CES3: variants seen among roughly 807,000 people sequenced by gnomAD.
CES3 encodes carboxylesterase 3 (brain).
In CES3, 49 loss-of-function variants were observed where a neutral mutation model predicts 57.6. The ratio of observed to expected loss-of-function variants is 0.85; its 90% CI spans 0.68 to 1.08. The LOEUF (loss-of-function observed/expected upper bound fraction) is 1.08. Among genes scored for constraint, CES3 ranks in the 50% least tolerant of loss-of-function variants. The pLI, the probability that CES3 is intolerant of heterozygous loss-of-function variation, is 0.00. For missense variants in CES3, 645 were observed against 742.0 expected (o/e 0.87, Z 1.52); for synonymous variants, 266 against 281.6 (o/e 0.94, Z 0.55).
At chr16:66,964,311 G>A (rs750780695) in intron 4 of CES3, 46 bp from the exon 5 acceptor site, 6 of 1,599,134 alleles carry the variant, frequency 3.8e-6, no homozygotes, top group Non-Finnish European at 5.1e-6. Flanking sequence ...GCAGAGGCTG[G>A]CGAGGAGCCA....
At position 66,966,314 on chromosome 16, in the gene CES3, AAGG is replaced by A. The variant is rs1567556435; in HGVS notation, c.893_895del (p.Gly298del). The A allele has an allele frequency of 9.9e-6, 16 of 1,613,642 alleles. No individual in the cohort carries two copies. The highest frequency in any genetic ancestry group is 1.3e-5 in the Non-Finnish European group (15 of 1,179,936). On this transcript the variant is annotated inframe_deletion, in exon 7 of 13. Transcript: ENST00000303334. ...ATGGTGCAGTGCCTTCAGCAGAAAG[AAGG>A]AGAAGAGCTGGTCCTTAGCAAGAAG... is the stretch of plus-strand genomic sequence containing the variant.
At chr16:66,967,654 C>T in intron 8 of CES3, 1 of 985,170 alleles carries the variant, frequency 1.0e-6, no homozygotes, top group Non-Finnish European at 1.2e-6. Flanking sequence ...TTCTTCTACC[C>T]ATCTTCACAG....
Position 66,966,364 on chromosome 16 carries a change from G to T in CES3, c.921+19G>T, listed in dbSNP as rs67674179. The T allele has an allele frequency of 6.2e-6, 10 of 1,609,860 alleles. No individual in the cohort carries two copies. Among genetic ancestry groups the T allele is most frequent in the Admixed American group, 1.7e-5 (1 of 59,910 alleles). On this transcript the variant is annotated intron_variant, in intron 7 of 12. Coordinates refer to ENST00000303334, the MANE Select transcript of CES3 (RefSeq NM_024922.6). The stretch of plus-strand genomic sequence containing the variant: ...GAAGCTGGTATGGCCACCCTTTTGG[G>T]GATGGTGCCGGGCAATGGCACAGAG...
rs1054217115 is a variant in CES3 at position 66,973,132 on chromosome 16, C to T, written c.*83C>T. 48 of 1,232,604 alleles carry T rather than the reference C, an allele frequency of 3.9e-5. No homozygotes were observed. Among genetic ancestry groups the T allele is most frequent in the Middle Eastern group, 2.5e-4 (1 of 4,048 alleles). The allele number at this position is 1,232,604 out of a possible 1,614,324, so 76.4% of individuals were successfully genotyped here. ...CCAGCACGGCAGCCCGCCTCTCCCCCTGCTGAGACTTTAATCTCCACCAGC... is the reference window on the plus strand; with the variant it reads ...CCAGCACGGCAGCCCGCCTCTCCCCTTGCTGAGACTTTAATCTCCACCAGC... On this transcript the variant is annotated 3_prime_UTR_variant, in exon 13 of 13. Transcript: ENST00000303334.
intron 10 of CES3, 71 bp downstream of exon 10, chr16:66,971,390 A>G (rs1963831399): frequency 1.3e-6 from 2 of 1,522,518 alleles, no homozygotes; most frequent in East Asian, 2.3e-5. Context: ...CACAGGTGAC[A>G]TGGCATGATA....
At chr16:66,968,642 G>C (rs750129019) in intron 8 of CES3, among the ~76,000 whole-genome samples, 4 of 152,118 alleles carry the variant, frequency 2.6e-5, no homozygotes, top group African/African-American at 2.4e-5. Flanking sequence ...AGCCGGGTGC[G>C]GTGGCTCATG....
rs1963699047 is a variant in CES3 at position 66,964,355 on chromosome 16, A to G, written c.561-2A>G. On this transcript the variant is annotated splice_acceptor_variant, in intron 4 of 12. Transcript: ENST00000303334. LOFTEE classifies it high-confidence loss of function. ...TAACCGTTGCCCCAACACTGCCCCCAGCACTGGAGATGAGCATGCACCTGG... is the reference window on the plus strand; with the variant it reads ...TAACCGTTGCCCCAACACTGCCCCCGGCACTGGAGATGAGCATGCACCTGG... 1.2e-6 allele frequency: 2 copies of G among 1,613,422 alleles called. No individual in the cohort carries two copies. The highest frequency in any genetic ancestry group is 1.7e-6 in the Non-Finnish European group (2 of 1,179,894).
At chr16:66,966,913 T>C (rs1963741283) in intron 8 of CES3, 48 bp downstream of exon 8, 1 of 1,604,874 alleles carries the variant, frequency 6.2e-7, no homozygotes, top group Admixed American at 1.7e-5. Flanking sequence ...CCCCAGCCAG[T>C]ACCTGCCACC....
In CES3 at chr16:66,963,541, GA is replaced by G. The variant is rs1364288394; in HGVS notation, c.342del (p.Lys114AsnfsTer39). The part of the protein sequence containing the change: ...SMNSSRFVLN[G>X]KQQIFSVSED... ...AACAGCAGCAGATTTGTCCTCAACG[GA>G]AAACAGCAGATCTTCTCCGTTTCAG... On this transcript the variant is annotated frameshift_variant, in exon 3 of 13. Coordinates refer to ENST00000303334, the MANE Select transcript of CES3 (RefSeq NM_024922.6). LOFTEE classifies it high-confidence loss of function. The surrounding 1 kb of genome is among the most constrained non-coding windows in gnomAD (Gnocchi z 4.9). 5 of 1,614,206 alleles carry G rather than the reference GA, an allele frequency of 3.1e-6. No homozygotes were observed. The highest frequency in any genetic ancestry group is 1.1e-5 in the South Asian group (1 of 91,086).
Position 66,972,977 on chromosome 16 carries a change from A to T in CES3, c.1644A>T (p.Ser548=), listed in dbSNP as rs1012746160. The part of the protein sequence containing the change: ...KFREAWMQFW[S]ETLPSKIQQW... ...GGGAGGCCTGGATGCAGTTCTGGTC[A>T]GAGACGCTCCCCAGCAAGATACAAC... is the stretch of plus-strand genomic sequence containing the variant. The change falls in exon 13 of 13, where the codon TCA becomes TCT. Residue 548 remains serine, a synonymous_variant. Transcript: ENST00000303334. The T allele has an allele frequency of 1.1e-5, 17 of 1,614,016 alleles. No homozygotes were observed. Among genetic ancestry groups the T allele is most frequent in the Non-Finnish European group, 1.4e-5 (16 of 1,180,044 alleles).
At position 66,966,782 on chromosome 16, in the gene CES3, G is replaced by A. The variant is rs764509747; in HGVS notation, c.979G>A (p.Glu327Lys). ...DGTVFPKSPK[E>K]LLKEKPFHSV... is the part of the protein sequence containing the mutation. ...CACTGTCTTCCCCAAAAGCCCCAAGGAACTCCTGAAGGAGAAGCCCTTCCA... is the reference window on the plus strand; with the variant it reads ...CACTGTCTTCCCCAAAAGCCCCAAGAAACTCCTGAAGGAGAAGCCCTTCCA... The change falls in exon 8 of 13, where the codon GAA becomes AAA. Residue 327 changes from glutamate (E) to lysine (K), a missense_variant. Coordinates refer to ENST00000303334, the MANE Select transcript of CES3 (RefSeq NM_024922.6). The A allele has an allele frequency of 1.2e-6, 2 of 1,614,094 alleles. No homozygotes were observed. The highest frequency in any genetic ancestry group is 1.7e-5 in the Admixed American group (1 of 60,018).
chr16:66,973,615 C>T lies in CES3; in HGVS notation c.*566C>T, dbSNP rs1022806992. On this transcript the variant is annotated 3_prime_UTR_variant, in exon 13 of 13. Coordinates refer to ENST00000303334, the MANE Select transcript of CES3 (RefSeq NM_024922.6). The stretch of plus-strand genomic sequence containing the variant: ...CAGGTGCCAAAGCCATACTCAGGCC[C>T]CCACCGACATTGTCCACCCTGGCCA... The T allele has an allele frequency of 6.5e-6, 1 of 154,212 alleles. No individual in the cohort carries two copies. 9.6% of individuals were successfully genotyped at this position (154,212 alleles called of 1,614,324 possible).
chr16:66,961,725 G>A (rs137932139), intron 1 of CES3, among the ~76,000 whole-genome samples: 4 of 152,078 alleles, frequency 2.6e-5, no homozygotes, highest in South Asian at 2.1e-4. Flanking sequence ...CACCATGGCC[G>A]GCTAATTTTT....
chr16:66,964,832 T>C (rs1963708383), intron 6 of CES3, 105 bp downstream of exon 6: 3 of 824,192 alleles, frequency 3.6e-6, no homozygotes, highest in Non-Finnish European at 3.8e-6. Flanking sequence ...GGGAGCTCCC[T>C]GTTAGCAAAG....
chr16:66,971,151 G>A (rs760056870), intron 9 of CES3, 21 bp from the exon 10 acceptor site: 25 of 1,607,380 alleles, frequency 1.6e-5, no homozygotes, highest in South Asian at 4.5e-5. Context: ...GAGCAGGGCT[G>A]AGCCTGGCCT....
chr16:66,970,257 T>A (rs1963810335), intron 9 of CES3, among the ~76,000 whole-genome samples: 1 of 152,014 alleles, frequency 6.6e-6, no homozygotes, highest in South Asian at 2.1e-4. Context: ...TACAGGCCCC[T>A]GCCACCATGC....
intron 8 of CES3, chr16:66,967,841 T>C: frequency 1.2e-6 from 1 of 829,912 alleles, no homozygotes; most frequent in Non-Finnish European, 1.5e-6. Context: ...GACTCTCTAC[T>C]GCCTCAACCT....
At position 66,972,937 on chromosome 16, in the gene CES3, C is replaced by T. The variant is rs372285250; in HGVS notation, c.1604C>T (p.Ala535Val). 53 of 1,614,046 alleles carry T rather than the reference C, an allele frequency of 3.3e-5. No individual in the cohort carries two copies. In the African/African-American group the frequency reaches 6.4e-4, roughly 20 times the overall value. ...QYLEINPVPR[A>V]GQKFREAWMQ... Reference sequence around the variant, plus strand: ...CTGGAGATCAACCCAGTGCCACGGGCCGGACAGAAGTTCAGGGAGGCCTGG... The same window carrying T: ...CTGGAGATCAACCCAGTGCCACGGGTCGGACAGAAGTTCAGGGAGGCCTGG... The change falls in exon 13 of 13, where the codon GCC becomes GTC. Residue 535 changes from alanine to valine, a missense_variant. Ala to Val is a moderately conservative substitution (Grantham distance 64, BLOSUM62 0). Coordinates refer to ENST00000303334, the MANE Select transcript of CES3 (RefSeq NM_024922.6).
chr16:66,964,744 C>A lies in CES3; in HGVS notation c.819+17C>A. 2 of 1,602,342 alleles carry A rather than the reference C, an allele frequency of 1.2e-6. No individual in the cohort carries two copies. The highest frequency in any genetic ancestry group is 8.5e-7 in the Non-Finnish European group (1 of 1,170,370). ...CTAGCTCAGGTCTGTATTTCCTTCC[C>A]TCTCTTACTCTATGTGTGCCTCCCA... On this transcript the variant is annotated intron_variant, in intron 6 of 12. Coordinates refer to ENST00000303334, the MANE Select transcript of CES3 (RefSeq NM_024922.6).
Sources: gnomAD v4.1 joint callset for allele counts (sites outside exome capture counted in the v4.1 genomes callset) on GRCh38, gnomAD v4.1.1 for gene constraint, Gnocchi (gnomAD v3.1) non-coding constraint, MANE v1.5 for transcripts, NCBI Gene and HGNC (gene_info 2026-07-23, HGNC 2026-07-21) for gene names.